The following PTPRD variants were observed in gnomAD, a reference collection of about 807,000 sequenced individuals.
PTPRD encodes protein tyrosine phosphatase receptor type D.
In PTPRD, 34 loss-of-function variants were observed where a neutral mutation model predicts 214.5. The ratio of observed to expected loss-of-function variants is 0.16; its 90% CI spans 0.12 to 0.21. PTPRD has a LOEUF of 0.21. Among genes scored for constraint, PTPRD ranks in the 10% least tolerant of loss-of-function variants. The pLI is 1.00. For synonymous variants in PTPRD, 1,128 were observed against 845.7 expected (o/e 1.33, Z -5.79); for missense variants, 2,545 against 2,398.7 (o/e 1.06, Z -1.27).
chr9:8,651,265 A>G (rs1454883096), intron 12 of PTPRD, among the ~76,000 whole-genome samples: 2 of 152,106 alleles, frequency 1.3e-5, no homozygotes, highest in East Asian at 1.9e-4. Context: ...CCCATTCACA[A>G]ATTCTCCTGA....
chr9:8,872,792 G>A (rs372916984), intron 11 of PTPRD, among the ~76,000 whole-genome samples: 11 of 152,250 alleles, frequency 7.2e-5, no homozygotes, highest in Admixed American at 6.5e-5. Context: ...TACAGGAGGC[G>A]GCATTTGCCA....
intron 8 of PTPRD, among the ~76,000 whole-genome samples, chr9:9,498,411 A>T (rs958288070): frequency 2.0e-5 from 3 of 152,092 alleles, no homozygotes; most frequent in African/African-American, 7.2e-5. Context: ...CAGGTTATAA[A>T]CTTGGACTTC....
At chr9:9,681,425 CTG>C (rs1363515363) in intron 7 of PTPRD, among the ~76,000 whole-genome samples, 2 of 151,652 alleles carry the variant, frequency 1.3e-5, no homozygotes, top group Non-Finnish European at 2.9e-5. Context: ...TCCTAACACT[CTG>C]AGTAAATATT....
chr9:9,922,465 G>A (rs2382065), intron 5 of PTPRD, among the ~76,000 whole-genome samples: 29,457 of 151,850 alleles, frequency 0.19, 6,512 homozygotes, highest in African/African-American at 0.51. Context: ...ATTCCCTTGT[G>A]AAATATGAAT....
chr9:9,259,336 GCAGA>G (rs1182834803), intron 9 of PTPRD, among the ~76,000 whole-genome samples: 5 of 151,778 alleles, frequency 3.3e-5, no homozygotes, highest in African/African-American at 1.2e-4. Flanking sequence ...AAAATACAGG[GCAGA>G]CAGACTATAA....
chr9:9,855,114 T>A (rs1350851152), intron 5 of PTPRD, among the ~76,000 whole-genome samples: 1 of 152,234 alleles, frequency 6.6e-6, no homozygotes. Flanking sequence ...CTGATCAACC[T>A]ACTGTCATCA....
At chr9:9,196,956 T>C (rs2132104363) in intron 9 of PTPRD, among the ~76,000 whole-genome samples, 1 of 152,320 alleles carries the variant, frequency 6.6e-6, no homozygotes, top group South Asian at 2.1e-4. Flanking sequence ...TCTTTGACCA[T>C]GATAGATCTA....
At chr9:9,633,118 A>T (rs780332002) in intron 7 of PTPRD, among the ~76,000 whole-genome samples, 2 of 152,038 alleles carry the variant, frequency 1.3e-5, no homozygotes, top group Non-Finnish European at 2.9e-5. Flanking sequence ...AACATGGTGA[A>T]ATCCTGTCTC....
chr9:9,613,744 C>G (rs1304660856), intron 7 of PTPRD, among the ~76,000 whole-genome samples: 2 of 152,138 alleles, frequency 1.3e-5, no homozygotes, highest in Non-Finnish European at 2.9e-5. Context: ...GAATCTCAGG[C>G]CCACCCCCTA....
chr9:9,128,792 G>A (rs1235972433), intron 10 of PTPRD, among the ~76,000 whole-genome samples: 1 of 152,148 alleles, frequency 6.6e-6, no homozygotes, highest in Non-Finnish European at 1.5e-5. Context: ...TGTGGCTAAC[G>A]CTGCCCACAG....
chr9:8,515,975 C>T (rs927990022), intron 21 of PTPRD, among the ~76,000 whole-genome samples: 14 of 152,092 alleles, frequency 9.2e-5, no homozygotes, highest in African/African-American at 3.1e-4. Flanking sequence ...AGCTAATAAA[C>T]GAAAGCTTGG....
chr9:9,406,946 G>C (rs1202270472), intron 8 of PTPRD, among the ~76,000 whole-genome samples: 1 of 151,324 alleles, frequency 6.6e-6, no homozygotes, highest in South Asian at 2.1e-4. Context: ...GAGCTCAACA[G>C]ATTAGATTTG....
intron 11 of PTPRD, among the ~76,000 whole-genome samples, chr9:8,848,454 G>C (rs1482404253): frequency 2.0e-5 from 3 of 149,526 alleles, no homozygotes; most frequent in Admixed American, 6.7e-5. Context: ...TCCCATCTCA[G>C]CTTCCCAAGT....
chr9:9,316,071 A>AG (rs1962857637), intron 9 of PTPRD, among the ~76,000 whole-genome samples: 1 of 151,998 alleles, frequency 6.6e-6, no homozygotes. Context: ...AGAATCCTAA[A>AG]GAAAACTCTA....
chr9:10,296,165 A>G (rs2095666741), intron 3 of PTPRD, among the ~76,000 whole-genome samples: 1 of 152,128 alleles, frequency 6.6e-6, no homozygotes, highest in Admixed American at 6.6e-5. Flanking sequence ...AGTATTTTCT[A>G]TTCAATTGCA....
chr9:8,433,625 A>G (rs1456738065), intron 35 of PTPRD, among the ~76,000 whole-genome samples: 1 of 152,204 alleles, frequency 6.6e-6, no homozygotes, highest in Non-Finnish European at 1.5e-5. Context: ...AAAATTCTAA[A>G]AAGTTAATAT....
At chr9:9,289,116 G>T (rs1950376221) in intron 9 of PTPRD, among the ~76,000 whole-genome samples, 1 of 151,558 alleles carries the variant, frequency 6.6e-6, no homozygotes, top group South Asian at 2.1e-4. Flanking sequence ...AAAACACATG[G>T]GCTAGCAAAT....
At chr9:8,713,301 A>G in intron 12 of PTPRD, 1 of 730,082 alleles carries the variant, frequency 1.4e-6, no homozygotes, top group South Asian at 1.5e-5. Flanking sequence ...GCGAGCGCGG[A>G]GAGGACGCCA....
chr9:10,469,267 C>G lies in PTPRD; in HGVS notation c.-599-128250G>C, dbSNP rs1431842381. 3.9e-4 allele frequency among the ~76,000 whole-genome samples: 59 copies of G among 152,134 alleles called. 1 individual carries two copies. Among genetic ancestry groups the G allele is most frequent in the Admixed American group, 3.9e-3 (59 of 15,272 alleles). On this transcript the variant is annotated intron_variant, in intron 2 of 45. Transcript: ENST00000381196. The stretch of plus-strand genomic sequence containing the variant: ...TTCAGCACTTTTTCATTCCTCTACA[C>G]AAGCAACAAAATACCAGAAAATATT...
Sources: allele counts gnomAD v4.1 joint callset (sites outside exome capture counted in the v4.1 genomes callset), GRCh38; gene constraint gnomAD v4.1.1; transcripts MANE v1.5; gene names NCBI Gene and HGNC (gene_info 2026-07-23, HGNC 2026-07-21).